AGBL1: variants seen among roughly 807,000 people sequenced by gnomAD.
AGBL1 encodes the protein AGBL carboxypeptidase 1, also known as cytosolic carboxypeptidase 4.
Under a neutral mutation model 118.9 loss-of-function variants are expected in AGBL1, and 130 were observed. That is an observed-to-expected ratio of 1.09 (90% CI 0.95 to 1.26). The LOEUF (loss-of-function observed/expected upper bound fraction) is 1.26. Among genes scored for constraint, AGBL1 ranks in the 50% most tolerant of loss-of-function variants. The pLI, the probability that AGBL1 is intolerant of heterozygous loss-of-function variation, is 0.00. For missense variants in AGBL1, 1,584 were observed against 1,298.1 expected (o/e 1.22, Z -3.38); for synonymous variants, 555 against 478.9 (o/e 1.16, Z -2.08).
At chr15:86,601,557 C>T (rs2084494022) in intron 21 of AGBL1, among the ~76,000 whole-genome samples, 2 of 151,926 alleles carry the variant, frequency 1.3e-5, no homozygotes, top group Non-Finnish European at 2.9e-5. Context: ...TAAACAAATG[C>T]TTTTTTAAAA....
intron 22 of AGBL1, among the ~76,000 whole-genome samples, chr15:86,686,603 A>G (rs905640438): frequency 6.6e-6 from 1 of 151,784 alleles, no homozygotes; most frequent in Non-Finnish European, 1.5e-5. Flanking sequence ...ACGCCCAGCT[A>G]ATTTTTTGTA....
At chr15:86,409,491 G>A (rs1431239) in intron 18 of AGBL1, among the ~76,000 whole-genome samples, 41,988 of 151,924 alleles carry the variant, frequency 0.28, 6,512 homozygotes, top group East Asian at 0.62. Flanking sequence ...CACAGAAGGC[G>A]TCAGGAGCTT....
In AGBL1 at chr15:86,555,799, C is replaced by T. The variant is rs557623025; in HGVS notation, c.2994+1262C>T. On this transcript the variant is annotated intron_variant, in intron 21 of 22. Transcript: ENST00000614907. ...TTAATAAGGACTCCTTTTATCCTAC[C>T]GTACAAGGTTTTGTAGGGACTAAAA... Among the ~76,000 whole-genome samples the T allele has an allele frequency of 1.4e-3, 213 of 152,026 alleles. 6 individuals carry two copies. The South Asian group carries it at 0.043, about 31-fold the overall frequency.
At chr15:86,992,789 G>A (rs779150034) in intron 24 of AGBL1, among the ~76,000 whole-genome samples, 7 of 151,240 alleles carry the variant, frequency 4.6e-5, no homozygotes, top group Non-Finnish European at 1.0e-4. Flanking sequence ...ATGCCTAAAC[G>A]GCTAAATATT....
At chr15:86,628,839 C>A (rs569069647) in intron 21 of AGBL1, among the ~76,000 whole-genome samples, 1 of 152,202 alleles carries the variant, frequency 6.6e-6, no homozygotes, top group South Asian at 2.1e-4. Context: ...TTTTAAATGT[C>A]TTCAGCTTTA....
At chr15:86,926,360 T>G (rs1016154333) in intron 23 of AGBL1, among the ~76,000 whole-genome samples, 6 of 152,224 alleles carry the variant, frequency 3.9e-5, no homozygotes, top group African/African-American at 1.4e-4. Context: ...TTATTGAGAC[T>G]TTGAACCATT....
chr15:86,837,361 GTTA>G lies in AGBL1; in HGVS notation c.3159-69723_3159-69721del, dbSNP rs558729706. Among the ~76,000 whole-genome samples, 175 of 152,224 alleles carry G rather than the reference GTTA, an allele frequency of 1.1e-3. 1 individual carries two copies. Among genetic ancestry groups the G allele is most frequent in the African/African-American group, 4.0e-3 (165 of 41,522 alleles). ...TGTTTATTTGCCTTACAAATTCTGAGTTATTGTTGTGTATATGAAGCAAGGGTC... is the reference window on the plus strand; with the variant it reads ...TGTTTATTTGCCTTACAAATTCTGAGTTGTTGTGTATATGAAGCAAGGGTC... On this transcript the variant is annotated intron_variant, in intron 22 of 22. Transcript: ENST00000614907.
At chr15:86,888,903 C>T (rs1031962333) in intron 22 of AGBL1, among the ~76,000 whole-genome samples, 4 of 152,118 alleles carry the variant, frequency 2.6e-5, no homozygotes, top group African/African-American at 9.7e-5. Context: ...ATGCTACATT[C>T]ATTGGCTGGA....
intron 18 of AGBL1, among the ~76,000 whole-genome samples, chr15:86,517,977 G>T (rs1455881788): frequency 6.6e-6 from 1 of 152,170 alleles, no homozygotes; most frequent in Non-Finnish European, 1.5e-5. Context: ...TACAGTGAAT[G>T]GCGAAGCTGC....
At chr15:86,105,622 A>C (rs1897010426) in intron 1 of AGBL1, among the ~76,000 whole-genome samples, 1 of 152,214 alleles carries the variant, frequency 6.6e-6, no homozygotes, top group African/African-American at 2.4e-5. Context: ...AACAGCAGGA[A>C]AGAGAGGCCT....
At chr15:86,827,473 A>C in intron 22 of AGBL1, among the ~76,000 whole-genome samples, 1 of 11,866 alleles carries the variant, frequency 8.4e-5, no homozygotes, top group South Asian at 3.0e-3. Context: ...ATATATACAT[A>C]TATATATATA....
chr15:86,851,231 G>A (rs929374980), intron 22 of AGBL1, among the ~76,000 whole-genome samples: 1 of 152,130 alleles, frequency 6.6e-6, no homozygotes, highest in African/African-American at 2.4e-5. Flanking sequence ...AGCCCTGGGA[G>A]AAAATTGAAA....
intron 9 of AGBL1, among the ~76,000 whole-genome samples, chr15:86,258,894 A>C (rs2078939473): frequency 6.6e-6 from 1 of 152,100 alleles, no homozygotes; most frequent in Admixed American, 6.5e-5. Context: ...TTTAGTAGAA[A>C]CAGGATTTCA....
intron 21 of AGBL1, among the ~76,000 whole-genome samples, chr15:86,670,496 C>T (rs764620861): frequency 4.0e-5 from 6 of 151,056 alleles, no homozygotes; most frequent in Non-Finnish European, 5.9e-5. Context: ...CACAGCTACT[C>T]GGGAGGCTGA....
intron 24 of AGBL1, among the ~76,000 whole-genome samples, chr15:86,998,014 C>T (rs190258657): frequency 2.6e-5 from 4 of 151,916 alleles, no homozygotes; most frequent in Non-Finnish European, 4.4e-5. Context: ...ATATGTAACA[C>T]ATTGAGCTAT....
intron 7 of AGBL1, among the ~76,000 whole-genome samples, chr15:86,249,849 A>G (rs1386515696): frequency 1.3e-5 from 2 of 152,232 alleles, no homozygotes; most frequent in Non-Finnish European, 2.9e-5. Flanking sequence ...GGTGGAGAAA[A>G]CACCAAATGA....
chr15:86,866,992 C>A (rs116044006), intron 22 of AGBL1, among the ~76,000 whole-genome samples: 239 of 152,236 alleles, frequency 1.6e-3, no homozygotes, highest in African/African-American at 5.5e-3. Context: ...TAACTAATGT[C>A]TGCAAGGGCA....
chr15:86,403,770 C>T lies in AGBL1; in HGVS notation c.2555+6224C>T, dbSNP rs541081700. Among the ~76,000 whole-genome samples, 13 of 152,284 alleles carry T rather than the reference C, an allele frequency of 8.5e-5. No homozygotes were observed. In the South Asian group the frequency reaches 2.5e-3, roughly 29 times the overall value. On this transcript the variant is annotated intron_variant, in intron 18 of 22. Coordinates refer to ENST00000614907, the MANE Select transcript of AGBL1 (RefSeq NM_001386094.1). ...AGCTGGTGTTACAGAGCCAGGAACT[C>T]AAGTCTATCCCACATTACTTTGCTG...
chr15:86,879,706 A>G (rs2079864160), intron 22 of AGBL1, among the ~76,000 whole-genome samples: 1 of 152,242 alleles, frequency 6.6e-6, no homozygotes, highest in African/African-American at 2.4e-5. Flanking sequence ...CTGAGGAGGC[A>G]GAGAAAGTGT....
Sources: allele counts gnomAD v4.1 joint callset (sites outside exome capture counted in the v4.1 genomes callset), GRCh38; gene constraint gnomAD v4.1.1; transcripts MANE v1.5; gene names NCBI Gene and HGNC (gene_info 2026-07-23, HGNC 2026-07-21).